NCKAP5: variants seen among roughly 807,000 people sequenced by gnomAD.
NCKAP5 encodes NCK associated protein 5.
In NCKAP5, 92 loss-of-function variants were observed where a neutral mutation model predicts 167.0. The observed-to-expected ratio is 0.55, with a 90% CI of 0.47 to 0.66. The LOEUF is 0.66. NCKAP5 is among the 30% of genes least tolerant of loss of function. NCKAP5 has a pLI of 0.00. For synonymous variants in NCKAP5, 891 were observed against 877.4 expected (o/e 1.02, Z -0.27); for missense variants, 2,378 against 2,315.0 (o/e 1.03, Z -0.56).
At chr2:132,977,483 A>T (rs554462242) in intron 7 of NCKAP5, among the ~76,000 whole-genome samples, 1 of 152,192 alleles carries the variant, frequency 6.6e-6, no homozygotes, top group African/African-American at 2.4e-5. Context: ...ATCAACTTTT[A>T]AGCCATAAAT....
At chr2:132,718,398 C>T (rs1689576884) in intron 19 of NCKAP5, among the ~76,000 whole-genome samples, 1 of 152,142 alleles carries the variant, frequency 6.6e-6, no homozygotes, top group South Asian at 2.1e-4. Context: ...GATGCACACT[C>T]ATCAGTTAAG....
Position 132,790,173 on chromosome 2 carries a change from T to C in NCKAP5, c.942A>G (p.Lys314=), listed in dbSNP as rs201246754. ...GGATGACAGCCCCCAAGCCAGGGCA[T>C]TTCAAGGCCGATTTTGTATTTAGTT... ...EHQLNTKSAL[K]CPGLGAVIPG... is the part of the protein sequence containing the mutation. Residue 314 remains lysine (K), a synonymous_variant, in exon 13 of 20, where the codon AAA becomes AAG. Coordinates refer to ENST00000409261, the MANE Select transcript of NCKAP5 (RefSeq NM_207363.3). The C allele has an allele frequency of 1.2e-6, 2 of 1,613,498 alleles. No homozygotes were observed. Among genetic ancestry groups the C allele is most frequent in the East Asian group, 2.2e-5 (1 of 44,856 alleles).
In NCKAP5 at chr2:133,484,572, CCAAAATT is replaced by C. The variant is rs1321704612; in HGVS notation, c.69+32879_69+32885del. Among the ~76,000 whole-genome samples the C allele has an allele frequency of 3.3e-5, 5 of 152,260 alleles. No individual in the cohort carries two copies. In the South Asian group the frequency reaches 1.0e-3, roughly 32 times the overall value. On this transcript the variant is annotated intron_variant, in intron 3 of 19. Transcript: ENST00000409261. Reference sequence around the variant, plus strand: ...CATCCCTAATCCCAAAATCCAAAATCCAAAATTAAAAAGTTTTTGAGCACCAACATGA... The same window carrying C: ...CATCCCTAATCCCAAAATCCAAAATCAAAAAGTTTTTGAGCACCAACATGA...
intron 5 of NCKAP5, among the ~76,000 whole-genome samples, chr2:133,188,391 C>A (rs1410001057): frequency 1.3e-5 from 2 of 152,052 alleles, no homozygotes; most frequent in South Asian, 2.1e-4. Context: ...AGAAAGTTAA[C>A]AAGGATATCC....
At chr2:133,599,321 G>A in the NCKAP5 span, among the ~76,000 whole-genome samples, 3 of 152,176 alleles carry the variant, frequency 2.0e-5, no homozygotes, top group African/African-American at 7.2e-5. Flanking sequence ...GGACCCAGAG[G>A]GGAAGAGTAC....
intron 2 of NCKAP5, among the ~76,000 whole-genome samples, chr2:133,530,388 T>A (rs893076891): frequency 6.6e-6 from 1 of 152,218 alleles, no homozygotes; most frequent in African/African-American, 2.4e-5. Flanking sequence ...GAATTTTTCT[T>A]GGCCATTTGT....
chr2:133,597,224 C>T, the NCKAP5 span, among the ~76,000 whole-genome samples: 2 of 152,156 alleles, frequency 1.3e-5, no homozygotes, highest in Admixed American at 6.5e-5. Flanking sequence ...GTCCTCAGAC[C>T]AACTGCACCA....
chr2:133,068,586 T>A (rs1459753510), intron 6 of NCKAP5, among the ~76,000 whole-genome samples: 1 of 152,084 alleles, frequency 6.6e-6, no homozygotes, highest in African/African-American at 2.4e-5. Flanking sequence ...TTCAAGCTGT[T>A]AGAGGGACTC....
intron 4 of NCKAP5, chr2:133,268,575 C>A (rs1322068361): frequency 6.6e-6 from 1 of 151,684 alleles, no homozygotes; most frequent in Non-Finnish European, 1.5e-5. Flanking sequence ...CTCCGCCTCC[C>A]GGGTTCACGC....
intron 6 of NCKAP5, among the ~76,000 whole-genome samples, chr2:133,074,298 C>G (rs953062939): frequency 2.7e-5 from 4 of 150,884 alleles, no homozygotes; most frequent in African/African-American, 9.8e-5. Context: ...AAAAAAAAAA[C>G]AAGAACTTTG....
At chr2:133,433,954 A>G (rs967400476) in intron 3 of NCKAP5, 6 of 152,166 alleles carry the variant, frequency 3.9e-5, no homozygotes, top group Admixed American at 3.3e-4. Context: ...TGTACAGGAA[A>G]CCTGGGCAAC....
intron 4 of NCKAP5, among the ~76,000 whole-genome samples, chr2:133,292,189 TA>T (rs1282626197): frequency 6.6e-6 from 1 of 152,122 alleles, no homozygotes; most frequent in Non-Finnish European, 1.5e-5. Context: ...GGTACCTTTT[TA>T]AAAAATAAGT....
At chr2:133,335,292 A>G (rs1683138901) in intron 3 of NCKAP5, among the ~76,000 whole-genome samples, 2 of 152,204 alleles carry the variant, frequency 1.3e-5, no homozygotes, top group African/African-American at 4.8e-5. Flanking sequence ...ATTGGCTTCA[A>G]ACAAGCAAAT....
intron 6 of NCKAP5, among the ~76,000 whole-genome samples, chr2:133,055,382 A>T (rs1353863047): frequency 6.6e-6 from 1 of 151,978 alleles, no homozygotes; most frequent in Non-Finnish European, 1.5e-5. Context: ...GAAGCAGTTC[A>T]TTTTTATCTT....
At chr2:133,105,263 C>T (rs1411716014) in intron 6 of NCKAP5, among the ~76,000 whole-genome samples, 1 of 152,206 alleles carries the variant, frequency 6.6e-6, no homozygotes. Flanking sequence ...TAACATTCAA[C>T]CACTGAACAC....
At chr2:133,578,380 C>T in the NCKAP5 span, among the ~76,000 whole-genome samples, 2 of 152,212 alleles carry the variant, frequency 1.3e-5, no homozygotes, top group East Asian at 3.9e-4. Flanking sequence ...TGGGAAAGTA[C>T]AATCTTTCAG....
chr2:133,442,848 G>T (rs1690944604), intron 3 of NCKAP5, among the ~76,000 whole-genome samples: 2 of 152,228 alleles, frequency 1.3e-5, no homozygotes, highest in African/African-American at 2.4e-5. Context: ...AAGGCCTGCT[G>T]CCCTGAAGGC....
At chr2:133,458,631 TA>T (rs1692003624) in intron 3 of NCKAP5, among the ~76,000 whole-genome samples, 1 of 152,120 alleles carries the variant, frequency 6.6e-6, no homozygotes, top group Non-Finnish European at 1.5e-5. Flanking sequence ...AAGGGAAAAG[TA>T]AGCCCCCAAG....
intron 16 of NCKAP5, among the ~76,000 whole-genome samples, chr2:132,739,316 G>T (rs927889115): frequency 2.0e-5 from 3 of 152,146 alleles, no homozygotes; most frequent in African/African-American, 7.2e-5. Context: ...TCTGTCAAAA[G>T]AGATTATTAT....
Sources: allele counts gnomAD v4.1 joint callset (sites outside exome capture counted in the v4.1 genomes callset), GRCh38; gene constraint gnomAD v4.1.1; transcripts MANE v1.5; gene names NCBI Gene and HGNC (gene_info 2026-07-23, HGNC 2026-07-21).